GANAB: variants seen among roughly 807,000 people sequenced by gnomAD.
GANAB encodes neutral alpha-glucosidase AB.
GANAB carries 35 observed loss-of-function variants against 129.9 expected under a neutral mutation model. The observed-to-expected ratio is 0.27, with a 90% CI of 0.21 to 0.36. The LOEUF (loss-of-function observed/expected upper bound fraction) is 0.36. Ranked by LOEUF, GANAB falls within the 10% of genes least tolerant of loss-of-function variation. The probability of loss-of-function intolerance (pLI) is 1.00; values close to 1 mark genes in which losing one functional copy is unlikely to be tolerated. For synonymous variants in GANAB, 482 were observed against 451.8 expected, an observed-to-expected ratio of 1.07 and a Z score of -0.85; for missense variants, 939 against 1,221.0, an observed-to-expected ratio of 0.77 and a Z score of 3.44.
Position 62,646,554 on chromosome 11 carries a change from C to A in GANAB, c.38+8G>T. 1.2e-6 allele frequency: 2 copies of A among 1,613,450 alleles called. No homozygotes were observed. Among genetic ancestry groups the A allele is most frequent in the South Asian group, 1.1e-5 (1 of 91,080 alleles). ...CCCGGGCGCGCCCCCAGATTCCGGG[C>A]TCCTCACCGCCTCCTACGCGCCGCC... On this transcript the variant is annotated splice_region_variant and intron_variant, in intron 1 of 23. Transcript: ENST00000356638.
At position 62,627,308 on chromosome 11, in the gene GANAB, T is replaced by C. The variant is rs143779086; in HGVS notation, c.2226A>G (p.Ile742Met). ...QYPQDVTTFN[I>M]DDQYLLGDAL... ...TCTCACCAAGCAAGTACTGATCATCTATATTGAAGGTAGTCACATCCTGAG... is the reference window on the plus strand; with the variant it reads ...TCTCACCAAGCAAGTACTGATCATCCATATTGAAGGTAGTCACATCCTGAG... The change falls in exon 18 of 24, where the codon ATA becomes ATG. Residue 742 changes from isoleucine to methionine, a missense_variant. Coordinates refer to ENST00000356638, the MANE Select transcript of GANAB (RefSeq NM_198334.3). The C allele has an allele frequency of 3.9e-5, 61 of 1,581,134 alleles. 1 individual carries two copies. In the East Asian group the frequency reaches 1.2e-3, roughly 32 times the overall value.
At position 62,633,185 on chromosome 11, in the gene GANAB, A is replaced by G. The variant is rs901288766; in HGVS notation, c.717T>C (p.Tyr239=). The change falls in exon 7 of 24, where the codon TAT becomes TAC. Residue 239 remains tyrosine (Y), a splice_region_variant and synonymous_variant. Coordinates refer to ENST00000356638, the MANE Select transcript of GANAB (RefSeq NM_198334.3). The part of the protein sequence containing the change: ...TFKTHSDSKP[Y]GPMSVGLDFS... ...GCCCAAGGAACCCGAGCCCCTCACCATACGGCTTGCTGTCAGAGTGAGTTT... is the reference window on the plus strand; with the variant it reads ...GCCCAAGGAACCCGAGCCCCTCACCGTACGGCTTGCTGTCAGAGTGAGTTT... 6.2e-7 allele frequency: 1 copy of G among 1,613,436 alleles called. No homozygotes were observed. Among genetic ancestry groups the G allele is most frequent in the Non-Finnish European group, 8.5e-7 (1 of 1,179,462 alleles).
rs998159451 is a variant in GANAB, at chr11:62,632,739, C to T, written c.822G>A (p.Gly274=). Residue 274 remains glycine (G), a synonymous_variant, in exon 9 of 24, where the codon GGG becomes GGA. Transcript: ENST00000356638. Reference sequence around the variant, plus strand: ...CCAAATTGTAGAGGCGATATGGCTCCCCACCCCTGCAGGCAAACAGACAGA... The same window carrying T: ...CCAAATTGTAGAGGCGATATGGCTCTCCACCCCTGCAGGCAAACAGACAGA... ...DNLRLKVTEG[G]EPYRLYNLDV... is the part of the protein sequence containing the mutation. The T allele has an allele frequency of 1.9e-6, 3 of 1,612,708 alleles. No homozygotes were observed. The highest frequency in any genetic ancestry group is 3.3e-5 in the Admixed American group (2 of 59,974).
At chr11:62,626,200 A>C in intron 22 of GANAB, 35 bp from the exon 23 acceptor site, 1 of 1,482,482 alleles carries the variant, frequency 6.7e-7, no homozygotes, top group Non-Finnish European at 9.4e-7. Flanking sequence ...CATCAGGGGG[A>C]AAAATAACAG....
In GANAB at chr11:62,626,822, A is replaced by G. The variant is rs755191482; in HGVS notation, c.2397+38T>C. The G allele has an allele frequency of 4.0e-6, 6 of 1,493,062 alleles. No homozygotes were observed. The South Asian group carries it at 6.9e-5, about 17-fold the overall frequency. The allele number at this position is 1,493,062 out of a possible 1,614,324, so 92.5% of individuals were successfully genotyped here. ...ATTCCCTCCCCTTCTGGAAATTTAC[A>G]GGGAGATGGAACCGGCAGCCAGACC... On this transcript the variant is annotated intron_variant, in intron 20 of 23. Transcript: ENST00000356638.
At chr11:62,641,863 C>T (rs1239819794) in intron 1 of GANAB, among the ~76,000 whole-genome samples, 7 of 151,880 alleles carry the variant, frequency 4.6e-5, no homozygotes, top group South Asian at 4.1e-4. Flanking sequence ...TACAGTTGCT[C>T]GCCACAGCAC....
intron 1 of GANAB, among the ~76,000 whole-genome samples, chr11:62,642,712 G>A (rs538704525): frequency 8.5e-5 from 13 of 152,206 alleles, no homozygotes; most frequent in South Asian, 4.1e-4. Context: ...GATTACAGGC[G>A]TTGTGTCATC....
chr11:62,640,006 C>T lies in GANAB; in HGVS notation c.39-275G>A, dbSNP rs149070566. On this transcript the variant is annotated intron_variant, in intron 1 of 23. Coordinates refer to ENST00000356638, the MANE Select transcript of GANAB (RefSeq NM_198334.3). ...ATCCCAGCACTTTGGGAGGCTGCGG[C>T]GGGCGGATCACGAGGTCAGGAGATC... The T allele has an allele frequency of 0.048, 17,188 of 355,056 alleles. 624 individuals are homozygous for T. The highest frequency in any genetic ancestry group is 0.067 in the Non-Finnish European group (12,860 of 191,900). The allele number at this position is 355,056 out of a possible 1,614,324, so 22.0% of individuals were successfully genotyped here.
chr11:62,631,885 G>A (rs1402403213), intron 9 of GANAB, among the ~76,000 whole-genome samples: 1 of 151,924 alleles, frequency 6.6e-6, no homozygotes, highest in East Asian at 1.9e-4. Flanking sequence ...CCCAAGTGCT[G>A]GGATTACAGA....
intron 5 of GANAB, chr11:62,633,822 A>G (rs1197295790): frequency 4.1e-6 from 2 of 486,160 alleles, no homozygotes; most frequent in South Asian, 2.5e-5. Context: ...ATGAATGCCA[A>G]TCCTGGCTCT....
Position 62,629,186 on chromosome 11 carries a change from T to C in GANAB, c.1936+8A>G. 6.2e-7 allele frequency: 1 copy of C among 1,600,202 alleles called. No individual in the cohort carries two copies. Among genetic ancestry groups the C allele is most frequent in the South Asian group, 1.1e-5 (1 of 90,782 alleles). On this transcript the variant is annotated splice_region_variant and intron_variant, in intron 16 of 23. Transcript: ENST00000356638. ...CAAACCAAGACCCCAAATTCCTCCC[T>C]GTCTTACCCCCACAGAAGGAAAGTC...
chr11:62,635,006 A>G lies in GANAB; in HGVS notation c.381-6T>C. On this transcript the variant is annotated splice_region_variant and splice_polypyrimidine_tract_variant and intron_variant, in intron 4 of 23. Coordinates refer to ENST00000356638, the MANE Select transcript of GANAB (RefSeq NM_198334.3). ...CACGACCAGAGACAGAAAGCCTGGGAAACATATCAAAAGAAATATAAGGAA... is the reference window on the plus strand; with the variant it reads ...CACGACCAGAGACAGAAAGCCTGGGGAACATATCAAAAGAAATATAAGGAA... The G allele has an allele frequency of 6.2e-7, 1 of 1,604,326 alleles. No homozygotes were observed. Among genetic ancestry groups the G allele is most frequent in the Non-Finnish European group, 8.5e-7 (1 of 1,172,052 alleles).
At chr11:62,636,907 C>A (rs570459369) in intron 4 of GANAB, among the ~76,000 whole-genome samples, 61 of 152,086 alleles carry the variant, frequency 4.0e-4, no homozygotes, top group Non-Finnish European at 6.8e-4. Context: ...GCCTAAGCAA[C>A]AGAGCAAGAC....
chr11:62,631,749 C>T (rs1048274380), intron 9 of GANAB, among the ~76,000 whole-genome samples: 1 of 152,036 alleles, frequency 6.6e-6, no homozygotes, highest in Non-Finnish European at 1.5e-5. Context: ...GTGGGAGCCA[C>T]TGCACCCGGC....
intron 17 of GANAB, among the ~76,000 whole-genome samples, chr11:62,628,352 G>C (rs1279945606): frequency 6.6e-6 from 1 of 151,746 alleles, no homozygotes; most frequent in African/African-American, 2.4e-5. Context: ...GAGTAGCTGG[G>C]ATTACAGGCG....
At chr11:62,636,319 G>A (rs1364756326) in intron 4 of GANAB, among the ~76,000 whole-genome samples, 1 of 152,028 alleles carries the variant, frequency 6.6e-6, no homozygotes, top group African/African-American at 2.4e-5. Context: ...AAAAGCTTTA[G>A]GATGGGCTCG....
Position 62,646,583 on chromosome 11 carries a change from GCCGCTA to G in GANAB, c.11_16del (p.Val4_Ala5del), listed in dbSNP as rs750723025. ...TCACCGCCTCCTACGCGCCGCCACT[GCCGCTA>G]CCGCCGCCATCTTGTGCAGAGTTTG... On this transcript the variant is annotated inframe_deletion, in exon 1 of 24. Coordinates refer to ENST00000356638, the MANE Select transcript of GANAB (RefSeq NM_198334.3). 4.3e-6 allele frequency: 7 copies of G among 1,613,730 alleles called. No individual in the cohort carries two copies. The East Asian group carries it at 8.9e-5, about 21-fold the overall frequency.
chr11:62,637,387 TC>T (rs1394527036), intron 4 of GANAB, among the ~76,000 whole-genome samples: 2 of 152,048 alleles, frequency 1.3e-5, no homozygotes, highest in Non-Finnish European at 2.9e-5. Flanking sequence ...ATCGAGACCA[TC>T]CTGGCTTGCC....
At position 62,639,090 on chromosome 11, in the gene GANAB, A is replaced by C. The variant is rs767421930; in HGVS notation, c.273T>G (p.Leu91=). The change falls in exon 4 of 24, where the codon CTT becomes CTG. Residue 91 remains leucine (L), a synonymous_variant. Transcript: ENST00000356638. ...GAGTCATGTTCTTTTGAAGCCCCTGAAGCTCTAGCACCAGCAACACCTGCG... is the reference window on the plus strand; with the variant it reads ...GAGTCATGTTCTTTTGAAGCCCCTGCAGCTCTAGCACCAGCAACACCTGCG... ...EVTKVLLVLE[L]QGLQKNMTRF... The C allele has an allele frequency of 1.9e-6, 3 of 1,614,072 alleles. No individual in the cohort carries two copies. The highest frequency in any genetic ancestry group is 3.3e-4 in the Middle Eastern group (2 of 6,058).
Sources: gnomAD v4.1 joint callset for allele counts (sites outside exome capture counted in the v4.1 genomes callset) on GRCh38, gnomAD v4.1.1 for gene constraint, MANE v1.5 for transcripts, NCBI Gene and HGNC (gene_info 2026-07-23, HGNC 2026-07-21) for gene names.